The following ANKAR variants were observed in gnomAD, a reference collection of about 807,000 sequenced individuals.
The protein encoded by ANKAR is ankyrin and armadillo repeat-containing protein.
ANKAR carries 136 observed loss-of-function variants against 146.2 expected under a neutral mutation model. That is an observed-to-expected ratio of 0.93 (90% confidence interval 0.81 to 1.07). The LOEUF (loss-of-function observed/expected upper bound fraction) is 1.07, where lower values mean the gene tolerates loss of function less well. Ranked by LOEUF, ANKAR falls within the 50% of genes least tolerant of loss-of-function variation. The pLI, the probability that ANKAR is intolerant of heterozygous loss-of-function variation, is 0.00. For missense variants in ANKAR, 1,567 were observed against 1,679.9 expected (o/e 0.93, Z 1.18); for synonymous variants, 500 against 575.8 (o/e 0.87, Z 1.88).
At chr2:189,729,695 C>CGTGTGTGTGTGTGTGTAT (rs2042220710) in intron 15 of ANKAR, among the ~76,000 whole-genome samples, 1 of 94,206 alleles carries the variant, frequency 1.1e-5, no homozygotes, top group African/African-American at 3.0e-5. Context: ...ATCAGCTGTG[C>CGTGTGTGTGTGTGTGTAT]GTGTGTGTGT....
At chr2:189,735,081 C>T (rs1196715247) in intron 17 of ANKAR, among the ~76,000 whole-genome samples, 1 of 151,526 alleles carries the variant, frequency 6.6e-6, no homozygotes, top group African/African-American at 2.4e-5. Context: ...GTCTACCTGA[C>T]TCTCTAAGCC....
At chr2:189,732,306 AGAG>A (rs2105853462) in intron 16 of ANKAR, among the ~76,000 whole-genome samples, 1 of 152,312 alleles carries the variant, frequency 6.6e-6, no homozygotes, top group African/African-American at 2.4e-5. Flanking sequence ...TTCCAGAACT[AGAG>A]GAGGAAAAAT....
At chr2:189,699,735 C>T (rs1015524858) in intron 7 of ANKAR, among the ~76,000 whole-genome samples, 17 of 152,196 alleles carry the variant, frequency 1.1e-4, no homozygotes, top group African/African-American at 3.9e-4. Flanking sequence ...TTTTGGCTCA[C>T]TGCAACTTCC....
intron 7 of ANKAR, among the ~76,000 whole-genome samples, chr2:189,700,257 C>T (rs529779818): frequency 8.2e-4 from 125 of 152,258 alleles, no homozygotes; most frequent in Middle Eastern, 6.8e-3. Flanking sequence ...ATTAGTGGTT[C>T]CATTATCTCA....
intron 7 of ANKAR, among the ~76,000 whole-genome samples, chr2:189,703,404 G>A (rs1244314059): frequency 6.6e-6 from 1 of 152,030 alleles, no homozygotes; most frequent in African/African-American, 2.4e-5. Context: ...AGAGGGAGGT[G>A]CCAAAGAGTC....
At chr2:189,736,428 T>A (rs985871362) in intron 17 of ANKAR, among the ~76,000 whole-genome samples, 1 of 151,586 alleles carries the variant, frequency 6.6e-6, no homozygotes, top group South Asian at 2.1e-4. Context: ...GCTTTGACTA[T>A]GAATGAGACC....
intron 2 of ANKAR, among the ~76,000 whole-genome samples, chr2:189,684,070 C>G (rs2035155521): frequency 6.6e-6 from 1 of 152,126 alleles, no homozygotes; most frequent in Non-Finnish European, 1.5e-5. Context: ...TTCTTAGACT[C>G]TTTCCAGAAG....
intron 10 of ANKAR, among the ~76,000 whole-genome samples, chr2:189,718,063 G>A (rs1035261345): frequency 3.4e-5 from 5 of 145,938 alleles, no homozygotes; most frequent in African/African-American, 1.3e-4. Context: ...TTGTGCACGT[G>A]TACCCTAGAA....
At chr2:189,712,523 G>A (rs557213840) in intron 10 of ANKAR, among the ~76,000 whole-genome samples, 14 of 152,316 alleles carry the variant, frequency 9.2e-5, no homozygotes, top group African/African-American at 3.4e-4. Flanking sequence ...ACCTGCAGCT[G>A]AGGGACCTGA....
chr2:189,690,056 C>G, intron 3 of ANKAR, 92 bp downstream of exon 3: 1 of 856,392 alleles, frequency 1.2e-6, no homozygotes, highest in Non-Finnish European at 1.6e-6. Flanking sequence ...TGGGTGCAGG[C>G]AGTAACCTAG....
chr2:189,712,185 G>A (rs528631469), intron 10 of ANKAR, among the ~76,000 whole-genome samples: 2 of 152,334 alleles, frequency 1.3e-5, no homozygotes, highest in Non-Finnish European at 2.9e-5. Flanking sequence ...CTGAACAAAA[G>A]GCAGCAGAAA....
intron 7 of ANKAR, among the ~76,000 whole-genome samples, chr2:189,704,176 C>G (rs189721990): frequency 1.3e-5 from 2 of 148,882 alleles, no homozygotes; most frequent in East Asian, 2.0e-4. Flanking sequence ...GAGTCTCGCT[C>G]TATTGCCCAG....
chr2:189,750,515 A>G, downstream of ANKAR: 1 of 837,248 alleles, frequency 1.2e-6, no homozygotes, highest in Admixed American at 2.7e-5. Context: ...TTGATACACA[A>G]AACAATAAAA....
At chr2:189,679,818 G>T (rs968283444) in intron 2 of ANKAR, among the ~76,000 whole-genome samples, 2 of 152,076 alleles carry the variant, frequency 1.3e-5, no homozygotes, top group Admixed American at 1.3e-4. Flanking sequence ...CTTGATCATG[G>T]CGTATTATCT....
At chr2:189,755,246 A>G in intron 18 of ANKAR, 1 of 1,613,532 alleles carries the variant, frequency 6.2e-7, no homozygotes, top group Non-Finnish European at 8.5e-7. Context: ...TCCTTGAACT[A>G]ATGCCAACAG....
chr2:189,737,791 C>A lies in ANKAR; in HGVS notation c.3532C>A (p.Arg1178Ser). The A allele has an allele frequency of 1.3e-6, 2 of 1,578,960 alleles. No homozygotes were observed. Among genetic ancestry groups the A allele is most frequent in the Non-Finnish European group, 1.7e-6 (2 of 1,168,410 alleles). ...SGIMTISIFE[R>S]FLESTVETEK... ...AATAATGACCATATCTATTTTTGAA[C>A]GTTTTCTTGAATCAACAGTTGAAAC... The change falls in exon 18 of 23, where the codon CGT becomes AGT. Residue 1178 changes from arginine to serine, a missense_variant. Arg to Ser is a moderately radical substitution (Grantham distance 110, BLOSUM62 -1). Transcript: ENST00000684021.
chr2:189,744,835 CTTTATAATTCTGTA>C (rs1400778988), intron 22 of ANKAR, 47 bp downstream of exon 22: 1 of 1,385,452 alleles, frequency 7.2e-7, no homozygotes, highest in Non-Finnish European at 1.0e-6. Context: ...AGCCCAGACA[CTTTATAATTCTGTA>C]TTCCATCTCT....
chr2:189,683,314 T>A (rs1425632757), intron 2 of ANKAR, among the ~76,000 whole-genome samples: 1 of 152,168 alleles, frequency 6.6e-6, no homozygotes, highest in Non-Finnish European at 1.5e-5. Flanking sequence ...TAGCCGAAGT[T>A]TGAATGGAGG....
At position 189,755,199 on chromosome 2, in the gene ANKAR, T is replaced by C. The variant is rs778969996; in HGVS notation, c.*585-5899T>C. On this transcript the variant is annotated intron_variant and NMD_transcript_variant, in intron 18 of 18. Coordinates refer to the ANKAR transcript ENST00000441800. ...TTGTCAAGCATGTCACCTGGTGCTATGTCCAAAGACTTTCCAAGAAGCAGA... is the reference window on the plus strand; with the variant it reads ...TTGTCAAGCATGTCACCTGGTGCTACGTCCAAAGACTTTCCAAGAAGCAGA... 10 of 1,609,334 alleles carry C rather than the reference T, an allele frequency of 6.2e-6. No homozygotes were observed. The Admixed American group carries it at 1.4e-4, about 22-fold the overall frequency.
Sources: gnomAD v4.1 joint callset for allele counts (sites outside exome capture counted in the v4.1 genomes callset) on GRCh38, gnomAD v4.1.1 for gene constraint, MANE v1.5 for transcripts, NCBI Gene and HGNC (gene_info 2026-07-23, HGNC 2026-07-21) for gene names.